DMXL1: variants seen among roughly 807,000 people sequenced by gnomAD.
DMXL1 encodes the protein Dmx like 1, also known as dmX-like protein 1.
In DMXL1, 99 loss-of-function variants were observed where a neutral mutation model predicts 319.2. That is an observed-to-expected ratio of 0.31 (90% CI 0.26 to 0.37). The LOEUF (loss-of-function observed/expected upper bound fraction) is 0.37, where lower values mean the gene tolerates loss of function less well. Among genes scored for constraint, DMXL1 ranks in the 10% least tolerant of loss-of-function variants. DMXL1 has a pLI of 1.00. For missense variants in DMXL1, 3,745 were observed against 3,595.6 expected (o/e 1.04, Z -1.06); for synonymous variants, 1,385 against 1,235.2 (o/e 1.12, Z -2.54).
intron 40 of DMXL1, 23 bp from the exon 41 acceptor site, chr5:119,238,966 C>G: frequency 6.2e-7 from 1 of 1,612,870 alleles, no homozygotes; most frequent in Non-Finnish European, 8.5e-7. Context: ...AGGAGTAACA[C>G]GTATTGTTTG....
chr5:119,234,341 C>G (rs1787323855), intron 39 of DMXL1, among the ~76,000 whole-genome samples: 1 of 152,126 alleles, frequency 6.6e-6, no homozygotes, highest in Non-Finnish European at 1.5e-5. Flanking sequence ...AATCAGTCTT[C>G]TTTTTGTCTT....
chr5:119,247,009 T>G lies in DMXL1; in HGVS notation c.8937T>G (p.Ser2979=). The change falls in exon 44 of 44, where the codon TCT becomes TCG. Residue 2979 remains serine (S), a synonymous_variant. Transcript: ENST00000539542. ...AEGNIKIWSL[S]TFGLLHTFVS... ...ATATCTTTCAGATTTGGAGTCTCTC[T>G]ACCTTTGGTCTTCTCCATACTTTTG... 6.2e-7 allele frequency: 1 copy of G among 1,611,164 alleles called. No homozygotes were observed. The highest frequency in any genetic ancestry group is 1.3e-5 in the African/African-American group (1 of 74,924).
At position 119,147,114 on chromosome 5, in the gene DMXL1, TTTCTG is replaced by T. The variant is rs1419332128; in HGVS notation, c.2690-133_2690-129del. 288 of 1,148,740 alleles carry T rather than the reference TTTCTG, an allele frequency of 2.5e-4. 1 individual carries two copies. The African/African-American group carries it at 4.2e-3, about 17-fold the overall frequency. 71.2% of individuals were successfully genotyped at this position (1,148,740 alleles called of 1,614,324 possible). A position where few individuals can be genotyped will look rare whatever the true frequency, so the allele number is the denominator to read the frequency against. ...AATTCAAAAAGCTTTTCTTATTTTC[TTTCTG>T]TGAAGAATCATATTAATATGTTTAC... On this transcript the variant is annotated intron_variant, in intron 16 of 43. Coordinates refer to ENST00000539542, the MANE Select transcript of DMXL1 (RefSeq NM_001290321.3).
intron 34 of DMXL1, among the ~76,000 whole-genome samples, chr5:119,215,853 T>C (rs1008519236): frequency 6.6e-6 from 1 of 152,084 alleles, no homozygotes; most frequent in Non-Finnish European, 1.5e-5. Context: ...TCCCAGCATT[T>C]GGGAGGCCAA....
At chr5:119,120,933 T>C in intron 8 of DMXL1, 38 bp from the exon 9 acceptor site, 1 of 1,546,660 alleles carries the variant, frequency 6.5e-7, no homozygotes, top group South Asian at 1.3e-5. Context: ...GTATGACTTT[T>C]GACAATATAG....
At chr5:119,208,532 T>A (rs549579846) in intron 34 of DMXL1, among the ~76,000 whole-genome samples, 1 of 152,174 alleles carries the variant, frequency 6.6e-6, no homozygotes, top group African/African-American at 2.4e-5. Flanking sequence ...GGAATTCTTA[T>A]ACAAACATTT....
chr5:119,112,392 T>A (rs962885399), intron 5 of DMXL1, among the ~76,000 whole-genome samples: 4 of 152,248 alleles, frequency 2.6e-5, no homozygotes, highest in African/African-American at 9.6e-5. Flanking sequence ...TCCAGTCAGC[T>A]TTAAAGATGC....
In DMXL1 at chr5:119,129,191, A is replaced by T; in HGVS notation, c.1103-20A>T. 2 of 1,491,688 alleles carry T rather than the reference A, an allele frequency of 1.3e-6. No homozygotes were observed. Among genetic ancestry groups the T allele is most frequent in the Non-Finnish European group, 1.8e-6 (2 of 1,100,844 alleles). 92.4% of individuals were successfully genotyped at this position (1,491,688 alleles called of 1,614,324 possible). A position where few individuals can be genotyped will look rare whatever the true frequency, so the allele number is the denominator to read the frequency against. ...GCTAGAAGGTAAAAATTTTAATTTT[A>T]TCTTTTTTTTCTCTTATAGACATTC... On this transcript the variant is annotated intron_variant, in intron 9 of 43. Coordinates refer to ENST00000539542, the MANE Select transcript of DMXL1 (RefSeq NM_001290321.3).
chr5:119,200,440 T>A (rs569017480), intron 32 of DMXL1, among the ~76,000 whole-genome samples: 1 of 152,282 alleles, frequency 6.6e-6, no homozygotes, highest in South Asian at 2.1e-4. Flanking sequence ...AATGTGCCTG[T>A]TTTTGTACCA....
chr5:119,121,360 T>C (rs1165263960), intron 9 of DMXL1, among the ~76,000 whole-genome samples: 1 of 151,844 alleles, frequency 6.6e-6, no homozygotes, highest in Non-Finnish European at 1.5e-5. Context: ...AGGACAATAG[T>C]GGAGGGAAGG....
intron 28 of DMXL1, among the ~76,000 whole-genome samples, chr5:119,186,152 G>A (rs1441267343): frequency 1.3e-5 from 2 of 152,192 alleles, no homozygotes; most frequent in Non-Finnish European, 2.9e-5. Context: ...CCAGACTAAT[G>A]TGCCTCCTGA....
intron 30 of DMXL1, among the ~76,000 whole-genome samples, chr5:119,195,889 A>G (rs891832422): frequency 6.6e-5 from 10 of 152,094 alleles, no homozygotes; most frequent in African/African-American, 9.7e-5. Context: ...ACTCTATCCA[A>G]TTTCTTCTGC....
At chr5:119,187,561 C>T (rs1171140343) in intron 28 of DMXL1, among the ~76,000 whole-genome samples, 1 of 152,150 alleles carries the variant, frequency 6.6e-6, no homozygotes, top group Admixed American at 6.5e-5. Context: ...TGGGTGGCAT[C>T]GCTAAGGTCT....
chr5:119,186,724 G>A (rs1353579967), intron 28 of DMXL1, among the ~76,000 whole-genome samples: 1 of 152,130 alleles, frequency 6.6e-6, no homozygotes, highest in African/African-American at 2.4e-5. Context: ...TAGCCTGTTA[G>A]CCATTTCTCC....
intron 10 of DMXL1, among the ~76,000 whole-genome samples, chr5:119,130,205 T>G (rs996433778): frequency 2.0e-5 from 3 of 152,196 alleles, no homozygotes; most frequent in African/African-American, 7.2e-5. Flanking sequence ...GTTTCCACAT[T>G]GTTAAGTTTG....
At chr5:119,099,880 A>G (rs1318565464) in intron 2 of DMXL1, among the ~76,000 whole-genome samples, 2 of 152,156 alleles carry the variant, frequency 1.3e-5, no homozygotes, top group African/African-American at 4.8e-5. Flanking sequence ...ATGCTCCTGT[A>G]GTCCTAGCTA....
intron 16 of DMXL1, 84 bp from the exon 17 acceptor site, chr5:119,147,165 A>G: frequency 8.1e-7 from 1 of 1,237,454 alleles, no homozygotes; most frequent in Non-Finnish European, 1.1e-6. Context: ...TTTACAAGGC[A>G]GTTTTGGATT....
rs1460131738 is a variant in DMXL1, at chr5:119,134,329, A to T, written c.2316A>T (p.Leu772Phe). 6.2e-7 allele frequency: 1 copy of T among 1,613,866 alleles called. No individual in the cohort carries two copies. Among genetic ancestry groups the T allele is most frequent in the Admixed American group, 1.7e-5 (1 of 59,996 alleles). ...FVASDGQYLR[L>F]YEAVIDAKKL... ...CCAGTGATGGACAATATCTGAGATTATATGAAGCAGTTATTGATGCTAAGA... is the reference window on the plus strand; with the variant it reads ...CCAGTGATGGACAATATCTGAGATTTTATGAAGCAGTTATTGATGCTAAGA... Residue 772 changes from leucine to phenylalanine, a missense_variant, in exon 13 of 44, where the codon TTA (leucine) becomes TTT (phenylalanine). Coordinates refer to ENST00000539542, the MANE Select transcript of DMXL1 (RefSeq NM_001290321.3).
At chr5:119,227,379 T>G (rs1449111377) in intron 38 of DMXL1, among the ~76,000 whole-genome samples, 2 of 152,290 alleles carry the variant, frequency 1.3e-5, no homozygotes, top group East Asian at 1.9e-4. Context: ...GCTGGAACAT[T>G]AATAAGGAAT....
Sources: gnomAD v4.1 joint callset for allele counts (sites outside exome capture counted in the v4.1 genomes callset) on GRCh38, gnomAD v4.1.1 for gene constraint, MANE v1.5 for transcripts, NCBI Gene and HGNC (gene_info 2026-07-23, HGNC 2026-07-21) for gene names.